Variants in NAALADL2 observed in about 807,000 individuals in gnomAD.
NAALADL2 encodes the protein inactive N-acetylated-alpha-linked acidic dipeptidase-like protein 2.
Under a neutral mutation model 87.2 loss-of-function variants are expected in NAALADL2, and 76 were observed. The ratio of observed to expected loss-of-function variants is 0.87; its 90% confidence interval spans 0.72 to 1.05. The LOEUF is 1.05. Ranked by LOEUF, NAALADL2 falls within the 50% of genes least tolerant of loss-of-function variation. NAALADL2 has a pLI of 0.00. For synonymous variants in NAALADL2, 354 were observed against 331.0 expected (o/e 1.07, Z -0.75); for missense variants, 1,089 against 945.8 (o/e 1.15, Z -1.99).
chr3:175,131,325 A>T (rs867440475), intron 2 of NAALADL2, among the ~76,000 whole-genome samples: 1 of 151,860 alleles, frequency 6.6e-6, no homozygotes, highest in Non-Finnish European at 1.5e-5. Context: ...GTGTCCCTGG[A>T]TACTTGAGAT....
At chr3:175,569,650 C>A (rs759544636) in intron 9 of NAALADL2, among the ~76,000 whole-genome samples, 7 of 152,050 alleles carry the variant, frequency 4.6e-5, no homozygotes, top group Admixed American at 2.0e-4. Context: ...CTCCTCATCA[C>A]GTAAGGATAC....
chr3:175,397,066 G>T (rs373847111), intron 5 of NAALADL2, among the ~76,000 whole-genome samples: 1 of 151,874 alleles, frequency 6.6e-6, no homozygotes, highest in Non-Finnish European at 1.5e-5. Context: ...ATACTTAGTG[G>T]CATTTTCGTA....
chr3:174,706,187 ATAATGTT>A (rs1016196308), intron 2 of NAALADL2, among the ~76,000 whole-genome samples: 2 of 152,224 alleles, frequency 1.3e-5, no homozygotes, highest in African/African-American at 4.8e-5. Flanking sequence ...AGAAATGAAA[ATAATGTT>A]TAATAGGGAA....
At chr3:174,800,614 G>A (rs1013467107) in intron 3 of NAALADL2, among the ~76,000 whole-genome samples, 10 of 152,160 alleles carry the variant, frequency 6.6e-5, no homozygotes, top group African/African-American at 2.2e-4. Context: ...CCCTACTGGG[G>A]CACCGCCTAG....
At chr3:175,053,458 C>T (rs572917127) in intron 1 of NAALADL2, among the ~76,000 whole-genome samples, 1 of 152,286 alleles carries the variant, frequency 6.6e-6, no homozygotes, top group East Asian at 1.9e-4. Context: ...TCCTCCTCAG[C>T]ATCAGCCTCA....
intron 5 of NAALADL2, among the ~76,000 whole-genome samples, chr3:175,353,417 TC>T (rs1226708743): frequency 6.6e-6 from 1 of 152,138 alleles, no homozygotes; most frequent in African/African-American, 2.4e-5. Flanking sequence ...TATTCTCTCA[TC>T]CCAAAATTAT....
chr3:174,903,288 A>T (rs1422847783), intron 1 of NAALADL2, among the ~76,000 whole-genome samples: 2 of 152,100 alleles, frequency 1.3e-5, no homozygotes, highest in Non-Finnish European at 2.9e-5. Flanking sequence ...AAATGATTTT[A>T]TAGTAATAAG....
chr3:175,157,090 A>C (rs539619896), intron 2 of NAALADL2, among the ~76,000 whole-genome samples: 1 of 150,978 alleles, frequency 6.6e-6, no homozygotes, highest in African/African-American at 2.5e-5. Flanking sequence ...AGTTTGGAAA[A>C]TTTTTAGTAT....
intron 10 of NAALADL2, among the ~76,000 whole-genome samples, chr3:175,584,915 G>C (rs1007554460): frequency 1.1e-4 from 16 of 152,096 alleles, no homozygotes; most frequent in African/African-American, 3.9e-4. Flanking sequence ...CACTATTAAA[G>C]ACTTAATAAA....
intron 2 of NAALADL2, among the ~76,000 whole-genome samples, chr3:174,566,716 ATTCT>A (rs1714318067): frequency 6.7e-6 from 1 of 149,394 alleles, no homozygotes; most frequent in African/African-American, 2.5e-5. Flanking sequence ...CTCTTCACTG[ATTCT>A]TTCTTCAGTT....
intron 3 of NAALADL2, among the ~76,000 whole-genome samples, chr3:174,826,944 C>A (rs1270956561): frequency 6.6e-6 from 1 of 151,956 alleles, no homozygotes; most frequent in African/African-American, 2.4e-5. Context: ...TAACTTTAGC[C>A]TAAATTAATT....
At position 175,243,733 on chromosome 3, in the gene NAALADL2, C is replaced by T. The variant is rs532248636; in HGVS notation, c.819+9529C>T. Among the ~76,000 whole-genome samples, 445 of 151,854 alleles carry T rather than the reference C, an allele frequency of 2.9e-3. 1 individual carries two copies. In the Middle Eastern group the frequency reaches 0.041, roughly 14 times the overall value. ...CTCAGTGCCCACTTCAGGTCCCCTA[C>T]CTCTTTCATCTACGGCCACAGAAGC... On this transcript the variant is annotated intron_variant, in intron 3 of 13. Coordinates refer to ENST00000454872, the MANE Select transcript of NAALADL2 (RefSeq NM_207015.3).
chr3:175,526,046 A>G (rs1314791777), intron 9 of NAALADL2, among the ~76,000 whole-genome samples: 1 of 152,196 alleles, frequency 6.6e-6, no homozygotes, highest in Non-Finnish European at 1.5e-5. Flanking sequence ...CTTTAAAAAG[A>G]ATAATCTACA....
At chr3:175,178,283 T>C (rs1271222204) in intron 2 of NAALADL2, among the ~76,000 whole-genome samples, 1 of 151,978 alleles carries the variant, frequency 6.6e-6, no homozygotes, top group East Asian at 1.9e-4. Flanking sequence ...TATATGTGCA[T>C]TTAATAAAAA....
At chr3:174,751,724 A>T (rs181036973) in intron 3 of NAALADL2, among the ~76,000 whole-genome samples, 1 of 150,932 alleles carries the variant, frequency 6.6e-6, no homozygotes, top group Non-Finnish European at 1.5e-5. Flanking sequence ...TAATTCTTGG[A>T]GTAAAGCTCA....
chr3:175,130,560 A>G (rs1213711143), intron 2 of NAALADL2, among the ~76,000 whole-genome samples: 9 of 152,176 alleles, frequency 5.9e-5, no homozygotes, highest in Admixed American at 5.9e-4. Flanking sequence ...TCTTTTGCCT[A>G]TAGATATTCA....
At chr3:174,469,005 CG>C (rs1560001645) in intron 1 of NAALADL2, among the ~76,000 whole-genome samples, 2 of 148,986 alleles carry the variant, frequency 1.3e-5, no homozygotes, top group East Asian at 4.1e-4. Context: ...TCAGGTGATC[CG>C]CCCGCCCTGG....
intron 2 of NAALADL2, among the ~76,000 whole-genome samples, chr3:174,661,224 T>C (rs1456962748): frequency 6.6e-6 from 1 of 152,178 alleles, no homozygotes; most frequent in African/African-American, 2.4e-5. Flanking sequence ...GTCTATCCAC[T>C]TGATGTTACT....
Position 174,906,342 on chromosome 3 carries a change from C to A in NAALADL2, c.43+46892C>A, listed in dbSNP as rs181535107. On this transcript the variant is annotated intron_variant, in intron 1 of 13. Transcript: ENST00000454872. ...TTGGTTACATACCCTTTGGAATACC[C>A]CTGCCTTGAGTATCAGTTGGATTAC... is the stretch of plus-strand genomic sequence containing the variant. Among the ~76,000 whole-genome samples the A allele has an allele frequency of 8.7e-4, 133 of 152,126 alleles. 1 individual carries two copies. The highest frequency in any genetic ancestry group is 6.8e-3 in the Middle Eastern group (2 of 294).
Sources: allele counts gnomAD v4.1 joint callset (sites outside exome capture counted in the v4.1 genomes callset), GRCh38; gene constraint gnomAD v4.1.1; transcripts MANE v1.5; gene names NCBI Gene and HGNC (gene_info 2026-07-23, HGNC 2026-07-21).